The following LRMDA variants were observed in gnomAD, a reference collection of about 807,000 sequenced individuals.
LRMDA encodes the protein leucine-rich melanocyte differentiation-associated protein.
In LRMDA, 18 loss-of-function variants were observed where a neutral mutation model predicts 29.8. The observed-to-expected ratio is 0.60, with a 90% CI of 0.42 to 0.90. The LOEUF is 0.90. Ranked by LOEUF, LRMDA falls within the 40% of genes least tolerant of loss-of-function variation. The pLI, the probability that LRMDA is intolerant of heterozygous loss-of-function variation, is 0.00. For synonymous variants in LRMDA, 125 were observed against 109.4 expected, an observed-to-expected ratio of 1.14 and a Z score of -0.89; for missense variants, 273 against 273.9, an observed-to-expected ratio of 1.00 and a Z score of 0.02.
intron 2 of LRMDA, among the ~76,000 whole-genome samples, chr10:75,608,861 G>A (rs577719557): frequency 6.6e-6 from 1 of 152,152 alleles, no homozygotes; most frequent in East Asian, 1.9e-4. Context: ...TCCCTTTTTG[G>A]TTACTGTCTC....
chr10:75,567,247 A>C lies in LRMDA; in HGVS notation c.131+128753A>C, dbSNP rs143670831. ...TAAGTCTGATCGGTTCAGCACAGGC[A>C]TCAAGGCCTTCCACATTCAGGTGCC... On this transcript the variant is annotated intron_variant, in intron 2 of 6. Transcript: ENST00000611255. 4.8e-3 allele frequency among the ~76,000 whole-genome samples: 732 copies of C among 152,314 alleles called. 4 individuals are homozygous for C. Among genetic ancestry groups the C allele is most frequent in the Non-Finnish European group, 7.3e-3 (498 of 68,034 alleles).
intron 2 of LRMDA, among the ~76,000 whole-genome samples, chr10:75,854,338 G>A (rs1347628284): frequency 6.6e-6 from 1 of 152,048 alleles, no homozygotes; most frequent in East Asian, 1.9e-4. Flanking sequence ...GTAACCATAT[G>A]TCCTGGTTTC....
At chr10:75,830,699 A>G (rs1018674492) in intron 2 of LRMDA, among the ~76,000 whole-genome samples, 4 of 152,230 alleles carry the variant, frequency 2.6e-5, no homozygotes, top group East Asian at 3.8e-4. Context: ...TATGGGAGCT[A>G]CAAGAGATTT....
intron 2 of LRMDA, among the ~76,000 whole-genome samples, chr10:75,504,802 A>G (rs1486243463): frequency 6.6e-6 from 1 of 152,204 alleles, no homozygotes; most frequent in Non-Finnish European, 1.5e-5. Context: ...TAAGGTGTGT[A>G]TAAAGATTTT....
chr10:75,550,197 T>C (rs907872014), intron 2 of LRMDA, among the ~76,000 whole-genome samples: 1 of 152,202 alleles, frequency 6.6e-6, no homozygotes, highest in East Asian at 1.9e-4. Context: ...TCTATAGATG[T>C]CAGTTAATTC....
At chr10:76,518,280 CATCTATCTATCTATCTATCTATCT>C in intron 6 of LRMDA, among the ~76,000 whole-genome samples, 1 of 146,676 alleles carries the variant, frequency 6.8e-6, no homozygotes, top group East Asian at 2.0e-4. Context: ...ATTTATCTAT[CATCTATCTATCTATCTATCTATCT>C]ATCTATCTAT....
chr10:75,613,833 CATAAATA>C (rs1046509367), intron 2 of LRMDA, among the ~76,000 whole-genome samples: 2 of 152,184 alleles, frequency 1.3e-5, no homozygotes, highest in African/African-American at 4.8e-5. Flanking sequence ...TATAGCGACT[CATAAATA>C]AATGGTTACC....
intron 2 of LRMDA, among the ~76,000 whole-genome samples, chr10:75,833,888 G>A (rs1285807410): frequency 6.6e-6 from 1 of 152,132 alleles, no homozygotes; most frequent in African/African-American, 2.4e-5. Flanking sequence ...CCAGTCCCAA[G>A]CAATTTTATA....
chr10:75,453,470 G>A (rs1281354561), intron 2 of LRMDA, among the ~76,000 whole-genome samples: 1 of 152,176 alleles, frequency 6.6e-6, no homozygotes, highest in East Asian at 1.9e-4. Flanking sequence ...AGAAATGAAA[G>A]CATGGGATCA....
chr10:75,711,852 G>T (rs1287234100), intron 2 of LRMDA, among the ~76,000 whole-genome samples: 1 of 151,874 alleles, frequency 6.6e-6, no homozygotes. Context: ...TTTTGCAAAT[G>T]ATCTTTTGAA....
At chr10:76,446,576 A>G (rs1298517675) in intron 6 of LRMDA, among the ~76,000 whole-genome samples, 1 of 152,104 alleles carries the variant, frequency 6.6e-6, no homozygotes, top group Non-Finnish European at 1.5e-5. Flanking sequence ...TGTGTTTCTC[A>G]TAAAGGTGTT....
In LRMDA at chr10:75,606,557, A is replaced by G. The variant is rs557731856; in HGVS notation, c.131+168063A>G. Reference sequence around the variant, plus strand: ...GCCTGCATTTCCACTGCACCTTTCTATTTCAAATGTTAAAGGACTGGGGAC... The same window carrying G: ...GCCTGCATTTCCACTGCACCTTTCTGTTTCAAATGTTAAAGGACTGGGGAC... On this transcript the variant is annotated intron_variant, in intron 2 of 6. Transcript: ENST00000611255. Among the ~76,000 whole-genome samples the G allele has an allele frequency of 4.6e-5, 7 of 152,182 alleles. No individual in the cohort carries two copies. The South Asian group carries it at 1.5e-3, about 32-fold the overall frequency.
intron 2 of LRMDA, among the ~76,000 whole-genome samples, chr10:75,747,241 A>G (rs1842900667): frequency 2.0e-5 from 3 of 152,182 alleles, no homozygotes; most frequent in African/African-American, 7.2e-5. Context: ...TAATTAGATT[A>G]CGAGGTTAAG....
rs141507728 is a variant in LRMDA at position 75,919,885 on chromosome 10, G to A, written c.132-116123G>A. Among the ~76,000 whole-genome samples, 937 of 152,228 alleles carry A rather than the reference G, an allele frequency of 6.2e-3. 55 individuals are homozygous for A. Among genetic ancestry groups the A allele is most frequent in the Admixed American group, 0.055 (835 of 15,286 alleles). On this transcript the variant is annotated intron_variant, in intron 2 of 6. Coordinates refer to ENST00000611255, the MANE Select transcript of LRMDA (RefSeq NM_001305581.2). ...TCTGATGCTTCTCTGACACGTCCGA[G>A]TAGGCAGCATTTTTTTTTAAACCCT...
intron 6 of LRMDA, among the ~76,000 whole-genome samples, chr10:76,344,424 A>G (rs904373569): frequency 6.6e-6 from 1 of 152,162 alleles, no homozygotes; most frequent in Admixed American, 6.6e-5. Flanking sequence ...CATTCGTATT[A>G]TTTTTAAGGA....
intron 2 of LRMDA, among the ~76,000 whole-genome samples, chr10:75,818,298 C>G (rs1379905634): frequency 6.6e-6 from 1 of 152,160 alleles, no homozygotes; most frequent in African/African-American, 2.4e-5. Context: ...TCTTGCAGGT[C>G]ATCTTGCCCC....
At chr10:76,265,998 C>CAA (rs1424518415) in intron 5 of LRMDA, among the ~76,000 whole-genome samples, 1 of 152,106 alleles carries the variant, frequency 6.6e-6, no homozygotes, top group East Asian at 1.9e-4. Context: ...GGTTACAAGT[C>CAA]AAATAGCCTG....
At chr10:75,473,422 T>C (rs1192098855) in intron 2 of LRMDA, among the ~76,000 whole-genome samples, 1 of 152,226 alleles carries the variant, frequency 6.6e-6, no homozygotes, top group Non-Finnish European at 1.5e-5. Flanking sequence ...TAAGTGTGTC[T>C]GGAGGTGATG....
chr10:75,883,192 A>G (rs1170854690), intron 2 of LRMDA: 2 of 152,240 alleles, frequency 1.3e-5, no homozygotes, highest in Non-Finnish European at 2.9e-5. Flanking sequence ...GATTAGCAGT[A>G]AAACCATCGG....
Sources: allele counts gnomAD v4.1 joint callset (sites outside exome capture counted in the v4.1 genomes callset), GRCh38; gene constraint gnomAD v4.1.1; transcripts MANE v1.5; gene names NCBI Gene and HGNC (gene_info 2026-07-23, HGNC 2026-07-21).